CDK14: variants seen among roughly 807,000 people sequenced by gnomAD.
CDK14 encodes the protein cyclin-dependent kinase 14.
CDK14 carries 34 observed loss-of-function variants against 60.7 expected under a neutral mutation model. That is an observed-to-expected ratio of 0.56 (90% CI 0.43 to 0.75). The LOEUF (loss-of-function observed/expected upper bound fraction) is 0.75. Ranked by LOEUF, CDK14 falls within the 30% of genes least tolerant of loss-of-function variation. CDK14 has a pLI of 0.00. For synonymous variants in CDK14, 197 were observed against 203.7 expected (o/e 0.97, Z 0.28); for missense variants, 482 against 564.1 (o/e 0.85, Z 1.47).
chr7:90,954,386 ATAATACT>A (rs1794346455), intron 8 of CDK14, among the ~76,000 whole-genome samples: 1 of 152,156 alleles, frequency 6.6e-6, no homozygotes, highest in South Asian at 2.1e-4. Context: ...ATAACAGTAA[ATAATACT>A]TTATACTTGT....
chr7:90,818,735 C>G (rs1028758476), intron 5 of CDK14, among the ~76,000 whole-genome samples: 12 of 152,104 alleles, frequency 7.9e-5, no homozygotes, highest in African/African-American at 2.2e-4. Flanking sequence ...AAATTACTGG[C>G]ATTGAATTTG....
intron 14 of CDK14, among the ~76,000 whole-genome samples, chr7:91,135,845 G>A (rs1161011525): frequency 6.6e-6 from 1 of 152,078 alleles, no homozygotes; most frequent in Non-Finnish European, 1.5e-5. Flanking sequence ...AGCACCCTTT[G>A]TTCTTACACA....
chr7:91,037,826 G>C (rs1398110908), intron 10 of CDK14, among the ~76,000 whole-genome samples: 1 of 152,238 alleles, frequency 6.6e-6, no homozygotes, highest in Admixed American at 6.5e-5. Context: ...ATGTTGACAA[G>C]TTTTGTTTGA....
At chr7:91,106,598 A>G (rs1189135271) in intron 12 of CDK14, among the ~76,000 whole-genome samples, 1 of 152,228 alleles carries the variant, frequency 6.6e-6, no homozygotes, top group Non-Finnish European at 1.5e-5. Context: ...AGACAATAAT[A>G]TGATAGATGA....
At chr7:90,953,982 A>G (rs1794333456) in intron 8 of CDK14, among the ~76,000 whole-genome samples, 2 of 152,216 alleles carry the variant, frequency 1.3e-5, no homozygotes, top group Non-Finnish European at 2.9e-5. Flanking sequence ...AGAGGTTGTT[A>G]TAGAAATCTA....
intron 4 of CDK14, among the ~76,000 whole-genome samples, chr7:90,785,168 C>G (rs1028368807): frequency 9.2e-5 from 14 of 152,106 alleles, no homozygotes; most frequent in African/African-American, 2.9e-4. Flanking sequence ...TTAAATTTCC[C>G]AGATTATATT....
intron 14 of CDK14, among the ~76,000 whole-genome samples, chr7:91,182,646 TC>T (rs1562985860): frequency 6.6e-6 from 1 of 152,098 alleles, no homozygotes; most frequent in African/African-American, 2.4e-5. Context: ...ATTTATGAAC[TC>T]CCCTCTCTTA....
Position 91,027,152 on chromosome 7 carries a change from A to C in CDK14, c.1042-18745A>C, listed in dbSNP as rs1292888558. On this transcript the variant is annotated intron_variant, in intron 10 of 14. Coordinates refer to ENST00000380050, the MANE Select transcript of CDK14 (RefSeq NM_001287135.2). ...AATACGTAACTGTTATAATTTCTAG[A>C]TACTGGAAAATAATGGGCCAAATAT... Among the ~76,000 whole-genome samples, 4 of 152,234 alleles carry C rather than the reference A, an allele frequency of 2.6e-5. No homozygotes were observed. In the East Asian group the frequency reaches 5.8e-4, roughly 22 times the overall value.
At chr7:90,665,238 T>C (rs1459902009) in intron 2 of CDK14, among the ~76,000 whole-genome samples, 1 of 152,028 alleles carries the variant, frequency 6.6e-6, no homozygotes, top group Non-Finnish European at 1.5e-5. Flanking sequence ...TGAGCTGAGA[T>C]TGTGCCACTG....
chr7:91,123,912 T>C (rs1799860330), intron 14 of CDK14, among the ~76,000 whole-genome samples: 1 of 152,082 alleles, frequency 6.6e-6, no homozygotes, highest in Non-Finnish European at 1.5e-5. Context: ...TTTTGTTTTG[T>C]TTTTTATTTT....
intron 12 of CDK14, among the ~76,000 whole-genome samples, chr7:91,103,142 A>G (rs1799190964): frequency 6.6e-6 from 1 of 151,962 alleles, no homozygotes; most frequent in African/African-American, 2.4e-5. Context: ...AATCCCAGCT[A>G]CCCAGGAGGC....
At chr7:91,036,513 C>A (rs188745278) in intron 10 of CDK14, among the ~76,000 whole-genome samples, 1 of 152,202 alleles carries the variant, frequency 6.6e-6, no homozygotes, top group African/African-American at 2.4e-5. Flanking sequence ...CCTGCCTCCC[C>A]TTCTGTCACC....
At chr7:90,968,614 T>C (rs890562391) in intron 9 of CDK14, among the ~76,000 whole-genome samples, 12 of 152,182 alleles carry the variant, frequency 7.9e-5, no homozygotes, top group East Asian at 7.7e-4. Context: ...ATTTAAATGG[T>C]TCTTCCTTTA....
intron 4 of CDK14, among the ~76,000 whole-genome samples, chr7:90,748,516 A>G (rs1803687506): frequency 6.6e-6 from 1 of 152,214 alleles, no homozygotes; most frequent in South Asian, 2.1e-4. Context: ...TTATAACTTT[A>G]CCAAATGATG....
At chr7:90,754,562 C>T (rs981590784) in intron 4 of CDK14, among the ~76,000 whole-genome samples, 2 of 152,102 alleles carry the variant, frequency 1.3e-5, no homozygotes, top group African/African-American at 2.4e-5. Context: ...GTCTGAGCAT[C>T]GGCCTTTGGA....
At chr7:90,605,266 G>GC (rs1232527369) in intron 2 of CDK14, among the ~76,000 whole-genome samples, 1 of 152,144 alleles carries the variant, frequency 6.6e-6, no homozygotes, top group African/African-American at 2.4e-5. Context: ...TCTGGATGGG[G>GC]CCACCGTCAT....
intron 3 of CDK14, among the ~76,000 whole-genome samples, chr7:90,733,203 G>C (rs967194678): frequency 6.6e-6 from 1 of 152,124 alleles, no homozygotes; most frequent in Non-Finnish European, 1.5e-5. Context: ...TGGTCTGAGA[G>C]ACTATTATGA....
At chr7:90,987,987 A>C (rs1472056123) in intron 10 of CDK14, among the ~76,000 whole-genome samples, 1 of 152,202 alleles carries the variant, frequency 6.6e-6, no homozygotes, top group Non-Finnish European at 1.5e-5. Flanking sequence ...AACTGTACAT[A>C]GAAAGGTAGT....
chr7:91,048,427 G>A (rs1196046385), intron 11 of CDK14, among the ~76,000 whole-genome samples: 3 of 152,244 alleles, frequency 2.0e-5, no homozygotes, highest in African/African-American at 4.8e-5. Context: ...TGTTTCCAGT[G>A]CTTTGCTATT....
Sources: gnomAD v4.1 joint callset for allele counts (sites outside exome capture counted in the v4.1 genomes callset) on GRCh38, gnomAD v4.1.1 for gene constraint, MANE v1.5 for transcripts, NCBI Gene and HGNC (gene_info 2026-07-23, HGNC 2026-07-21) for gene names.